The following KATNIP variants were observed in gnomAD, a reference collection of about 807,000 sequenced individuals.
KATNIP encodes the protein katanin-interacting protein.
A neutral mutation model predicts 174.0 loss-of-function variants in KATNIP; 126 were observed. The observed-to-expected ratio is 0.72, with a 90% confidence interval of 0.63 to 0.84. The LOEUF (loss-of-function observed/expected upper bound fraction) is 0.84. Among genes scored for constraint, KATNIP ranks in the 40% least tolerant of loss-of-function variants. The probability of loss-of-function intolerance (pLI) is 0.00; values close to 1 mark genes in which losing one functional copy is unlikely to be tolerated. For missense variants in KATNIP, 1,958 were observed against 2,109.7 expected, an observed-to-expected ratio of 0.93 and a Z score of 1.41; for synonymous variants, 810 against 835.7, an observed-to-expected ratio of 0.97 and a Z score of 0.53.
At chr16:27,596,546 C>CT (rs2141900932) in intron 2 of KATNIP, among the ~76,000 whole-genome samples, 1 of 152,202 alleles carries the variant, frequency 6.6e-6, no homozygotes, top group African/African-American at 2.4e-5. Context: ...CAACTTTTTT[C>CT]TTTTTTGTAC....
chr16:27,570,679 A>G (rs2090255655), intron 1 of KATNIP, among the ~76,000 whole-genome samples: 1 of 152,178 alleles, frequency 6.6e-6, no homozygotes, highest in Admixed American at 6.5e-5. Context: ...CTTGGGTCCC[A>G]GTCTACCTGG....
At position 27,740,710 on chromosome 16, in the gene KATNIP, G is replaced by A; in HGVS notation, c.2413G>A (p.Asp805Asn). 1 of 1,614,168 alleles carries A rather than the reference G, an allele frequency of 6.2e-7. No individual in the cohort carries two copies. The highest frequency in any genetic ancestry group is 1.3e-5 in the African/African-American group (1 of 75,062). ...GEGPGETEARDKGLRHEPGWG... is the reference protein window; with the variant it reads ...GEGPGETEARNKGLRHEPGWG... Reference sequence around the variant, plus strand: ...GGGTCCTGGAGAGACCGAGGCCAGGGATAAAGGCCTACGGCATGAGCCAGG... The same window carrying A: ...GGGTCCTGGAGAGACCGAGGCCAGGAATAAAGGCCTACGGCATGAGCCAGG... The change falls in exon 15 of 28, where the codon GAT (aspartate) becomes AAT (asparagine). Residue 805 changes from aspartate to asparagine, a missense_variant. Physicochemically the swap from Asp to Asn is conservative, Grantham distance 23. Around this residue, in one of 3 missense-constraint regions of KATNIP, gnomAD observed 1,557 missense variants for 1,617.8 expected, o/e 0.96. Transcript: ENST00000261588.
At chr16:27,660,342 A>T (rs1012809169) in intron 6 of KATNIP, among the ~76,000 whole-genome samples, 1 of 152,190 alleles carries the variant, frequency 6.6e-6, no homozygotes, top group Non-Finnish European at 1.5e-5. Flanking sequence ...TGAGGTCAGG[A>T]GTTTGAGACC....
In KATNIP at chr16:27,779,184, C is replaced by T. The variant is rs2082609606; in HGVS notation, c.*555C>T. 1 of 152,688 alleles carries T rather than the reference C, an allele frequency of 6.5e-6. No individual in the cohort carries two copies. The highest frequency in any genetic ancestry group is 1.5e-5 in the Non-Finnish European group (1 of 68,408). 9.5% of individuals were successfully genotyped at this position (152,688 alleles called of 1,614,324 possible). On this transcript the variant is annotated 3_prime_UTR_variant, in exon 28 of 28. Transcript: ENST00000261588. ...CTGGCTGAGAGGTTGGGGTAGTTTC[C>T]TGGTTACAGGGGTCCACAAGACCCT...
At chr16:27,712,655 T>C (rs2079626762) in intron 13 of KATNIP, among the ~76,000 whole-genome samples, 1 of 152,196 alleles carries the variant, frequency 6.6e-6, no homozygotes, top group Non-Finnish European at 1.5e-5. Flanking sequence ...GCCCGCACCA[T>C]GTCTCTCATT....
chr16:27,630,710 C>T (rs1161472703), intron 4 of KATNIP, among the ~76,000 whole-genome samples: 1 of 152,150 alleles, frequency 6.6e-6, no homozygotes, highest in African/African-American at 2.4e-5. Context: ...GAGATTCACC[C>T]TCTACACTCT....
intron 2 of KATNIP, among the ~76,000 whole-genome samples, chr16:27,593,161 A>G (rs1449605001): frequency 1.3e-5 from 2 of 151,876 alleles, no homozygotes; most frequent in Admixed American, 6.6e-5. Context: ...GTTCCCACCA[A>G]TGACTCCTAA....
Position 27,740,179 on chromosome 16 carries a change from C to G in KATNIP, c.1882C>G (p.Gln628Glu), listed in dbSNP as rs993919742. 2.7e-5 allele frequency: 43 copies of G among 1,613,994 alleles called. No homozygotes were observed. Among genetic ancestry groups the G allele is most frequent in the Non-Finnish European group, 3.4e-5 (40 of 1,180,028 alleles). The part of the protein sequence containing the change: ...LVDQKNEKSE[Q>E]LEEAMNAHSE... ...TGACCAGAAGAACGAGAAGAGCGAG[C>G]AACTAGAGGAGGCCATGAACGCTCA... Residue 628 changes from glutamine to glutamate, a missense_variant, in exon 15 of 28, where the codon CAA becomes GAA. Transcript: ENST00000261588.
At chr16:27,655,218 ATATATATATAT>A (rs2077237546) in intron 6 of KATNIP, among the ~76,000 whole-genome samples, 1 of 108,962 alleles carries the variant, frequency 9.2e-6, no homozygotes, top group African/African-American at 4.2e-5. Context: ...ATATATATAT[ATATATATATAT>A]TTTGTTTGTT....
chr16:27,670,470 G>T (rs2077855750), intron 6 of KATNIP, among the ~76,000 whole-genome samples: 1 of 152,212 alleles, frequency 6.6e-6, no homozygotes, highest in African/African-American at 2.4e-5. Flanking sequence ...GATATTTTCT[G>T]AGAAGAGCTC....
intron 20 of KATNIP, 101 bp from the exon 21 acceptor site, chr16:27,769,760 C>A: frequency 7.1e-7 from 1 of 1,418,120 alleles, no homozygotes. Context: ...AAAGGCTCCC[C>A]ATGGTGAGCA....
intron 14 of KATNIP, among the ~76,000 whole-genome samples, chr16:27,734,624 G>A (rs1011381071): frequency 6.6e-6 from 1 of 152,110 alleles, no homozygotes; most frequent in Non-Finnish European, 1.5e-5. Context: ...TTGAACCTGG[G>A]AGGCAAAGAT....
Position 27,628,722 on chromosome 16 carries a change from G to C in KATNIP, c.202G>C (p.Gly68Arg). 6.2e-7 allele frequency: 1 copy of C among 1,614,232 alleles called. No individual in the cohort carries two copies. The highest frequency in any genetic ancestry group is 8.5e-7 in the Non-Finnish European group (1 of 1,180,046). The change falls in exon 4 of 28, where the codon GGT becomes CGT. Residue 68 changes from glycine (G) to arginine (R), a missense_variant. By Grantham distance (125) the Gly-to-Arg change is moderately radical. Transcript: ENST00000261588. The part of the protein sequence containing the change: ...VQLRLEHLEQ[G>R]FSVYVNGANS... ...ATTGAGGCTGGAGCACTTGGAGCAA[G>C]GTTTCTCTGTCTATGTCAACGGTGC...
chr16:27,658,532 A>G (rs1404914630), intron 6 of KATNIP, among the ~76,000 whole-genome samples: 1 of 152,214 alleles, frequency 6.6e-6, no homozygotes, highest in Admixed American at 6.5e-5. Flanking sequence ...TACATTGTAC[A>G]AAGTTAAGAT....
chr16:27,726,653 C>T (rs1270925993), intron 14 of KATNIP, among the ~76,000 whole-genome samples: 3 of 152,142 alleles, frequency 2.0e-5, no homozygotes, highest in South Asian at 2.1e-4. Context: ...CTAAGTGTTC[C>T]GAAGACAATA....
chr16:27,609,124 A>T (rs1018605389), intron 2 of KATNIP, among the ~76,000 whole-genome samples: 1 of 152,142 alleles, frequency 6.6e-6, no homozygotes, highest in Admixed American at 6.6e-5. Context: ...ATGTGTCCTC[A>T]TGGATTCATT....
At chr16:27,737,605 T>G (rs771814195) in intron 14 of KATNIP, among the ~76,000 whole-genome samples, 1 of 151,822 alleles carries the variant, frequency 6.6e-6, no homozygotes, top group East Asian at 1.9e-4. Context: ...TCGTTCAAAG[T>G]GCAGCCGAAG....
At chr16:27,554,075 A>G (rs1017393916) in intron 1 of KATNIP, among the ~76,000 whole-genome samples, 3 of 151,338 alleles carry the variant, frequency 2.0e-5, no homozygotes, top group East Asian at 3.9e-4. Context: ...GGGAGGGAGG[A>G]AGGAAGGAGG....
At chr16:27,717,111 G>A (rs1446062078) in intron 13 of KATNIP, among the ~76,000 whole-genome samples, 1 of 152,062 alleles carries the variant, frequency 6.6e-6, no homozygotes, top group East Asian at 1.9e-4. Context: ...CAAAGTGCTG[G>A]GATTACAGGT....
Sources: gnomAD v4.1 joint callset for allele counts (sites outside exome capture counted in the v4.1 genomes callset) on GRCh38, gnomAD v4.1.1 for gene constraint, gnomAD v4.1.1 regional missense constraint, MANE v1.5 for transcripts, NCBI Gene and HGNC (gene_info 2026-07-23, HGNC 2026-07-21) for gene names.